PTPRD: variants seen among roughly 807,000 people sequenced by gnomAD.
PTPRD encodes the protein receptor-type tyrosine-protein phosphatase delta.
In PTPRD, 34 loss-of-function variants were observed where a neutral mutation model predicts 214.5. That is an observed-to-expected ratio of 0.16 (90% CI 0.12 to 0.21). The LOEUF (loss-of-function observed/expected upper bound fraction) is 0.21. Among genes scored for constraint, PTPRD ranks in the 10% least tolerant of loss-of-function variants. PTPRD has a pLI of 1.00. For missense variants in PTPRD, 2,545 were observed against 2,398.7 expected (o/e 1.06, Z -1.27); for synonymous variants, 1,128 against 845.7 (o/e 1.33, Z -5.79).
At chr9:8,461,958 G>C (rs145975050) in intron 32 of PTPRD, among the ~76,000 whole-genome samples, 5 of 151,694 alleles carry the variant, frequency 3.3e-5, no homozygotes. Flanking sequence ...CCCTGAACCC[G>C]TATTCTTAAG....
chr9:10,434,223 T>A (rs183039535), intron 2 of PTPRD, among the ~76,000 whole-genome samples: 1 of 151,952 alleles, frequency 6.6e-6, no homozygotes, highest in East Asian at 1.9e-4. Context: ...TCCATATGCA[T>A]CACTCAGTCT....
At chr9:9,557,464 T>C (rs189094111) in intron 8 of PTPRD, among the ~76,000 whole-genome samples, 19 of 152,298 alleles carry the variant, frequency 1.2e-4, no homozygotes, top group Non-Finnish European at 1.8e-4. Context: ...TATTTTGAAA[T>C]GCACTGCAAA....
At chr9:8,852,265 G>GA (rs961574017) in intron 11 of PTPRD, among the ~76,000 whole-genome samples, 5 of 152,100 alleles carry the variant, frequency 3.3e-5, no homozygotes, top group African/African-American at 7.2e-5. Context: ...AAAAGAAAAA[G>GA]AAAAAGACAA....
At chr9:10,387,820 C>T (rs368820155) in intron 2 of PTPRD, among the ~76,000 whole-genome samples, 83 of 82,520 alleles carry the variant, frequency 1.0e-3, no homozygotes, top group South Asian at 1.6e-3. Flanking sequence ...AAGATTTTGT[C>T]TTTTTTTTTT....
At chr9:9,697,621 T>A (rs1445972962) in intron 7 of PTPRD, among the ~76,000 whole-genome samples, 2 of 152,142 alleles carry the variant, frequency 1.3e-5, no homozygotes, top group Non-Finnish European at 2.9e-5. Flanking sequence ...TCTCCTTTTG[T>A]GTTTGACCTT....
intron 8 of PTPRD, among the ~76,000 whole-genome samples, chr9:9,525,031 G>C (rs1024008814): frequency 6.6e-6 from 1 of 152,110 alleles, no homozygotes; most frequent in Non-Finnish European, 1.5e-5. Flanking sequence ...CTAATTTTTT[G>C]TATTTTTAGT....
At chr9:8,769,060 C>G (rs75810769) in intron 11 of PTPRD, among the ~76,000 whole-genome samples, 1 of 152,118 alleles carries the variant, frequency 6.6e-6, no homozygotes, top group Non-Finnish European at 1.5e-5. Flanking sequence ...GTTAGCATAA[C>G]GCCAACTTTT....
intron 3 of PTPRD, among the ~76,000 whole-genome samples, chr9:10,148,270 T>G (rs79066164): frequency 0.022 from 3,336 of 152,266 alleles, 118 homozygotes; most frequent in African/African-American, 0.075. Flanking sequence ...CTTAATCTAT[T>G]TTACTTTTTT....
At chr9:9,071,992 T>A (rs2099744426) in intron 10 of PTPRD, among the ~76,000 whole-genome samples, 1 of 152,136 alleles carries the variant, frequency 6.6e-6, no homozygotes, top group South Asian at 2.1e-4. Context: ...CCCTTCCTCA[T>A]CACTGCACAG....
At chr9:9,650,487 C>A (rs917293919) in intron 7 of PTPRD, among the ~76,000 whole-genome samples, 8 of 152,068 alleles carry the variant, frequency 5.3e-5, no homozygotes, top group African/African-American at 1.9e-4. Context: ...ATTTTTGCAT[C>A]AATGTTCAAC....
intron 4 of PTPRD, among the ~76,000 whole-genome samples, chr9:10,015,583 G>A (rs1410974560): frequency 6.6e-6 from 1 of 152,092 alleles, no homozygotes; most frequent in African/African-American, 2.4e-5. Context: ...GTCAATCCAA[G>A]CCTCAACTTT....
At chr9:10,398,243 T>TGGC (rs2098208802) in intron 2 of PTPRD, among the ~76,000 whole-genome samples, 1 of 151,430 alleles carries the variant, frequency 6.6e-6, no homozygotes, top group Non-Finnish European at 1.5e-5. Flanking sequence ...TAGCCAGGCA[T>TGGC]GGCGGTATAT....
chr9:9,008,309 GC>G (rs1280449122), intron 11 of PTPRD, among the ~76,000 whole-genome samples: 1 of 151,270 alleles, frequency 6.6e-6, no homozygotes, highest in Non-Finnish European at 1.5e-5. Context: ...CTCACTGCAA[GC>G]TCCGCCTCCC....
intron 11 of PTPRD, among the ~76,000 whole-genome samples, chr9:8,795,854 T>C (rs796742164): frequency 1.6e-4 from 25 of 152,296 alleles, no homozygotes; most frequent in African/African-American, 5.5e-4. Flanking sequence ...TAATATACTC[T>C]CATTTTGAAA....
At chr9:9,320,291 C>T (rs930176023) in intron 9 of PTPRD, among the ~76,000 whole-genome samples, 1 of 151,792 alleles carries the variant, frequency 6.6e-6, no homozygotes, top group Non-Finnish European at 1.5e-5. Flanking sequence ...CACCCATAGA[C>T]AATACGGAGA....
intron 9 of PTPRD, among the ~76,000 whole-genome samples, chr9:9,259,648 T>G (rs931387738): frequency 6.6e-6 from 1 of 151,962 alleles, no homozygotes; most frequent in African/African-American, 2.4e-5. Context: ...TTCATTCACC[T>G]TTCAGGAAAC....
chr9:8,918,684 G>A (rs919069439), intron 11 of PTPRD, among the ~76,000 whole-genome samples: 2 of 152,014 alleles, frequency 1.3e-5, no homozygotes, highest in South Asian at 2.1e-4. Flanking sequence ...TTCCTAAAAC[G>A]TACAATTTTG....
At chr9:9,542,090 C>G (rs1285411036) in intron 8 of PTPRD, among the ~76,000 whole-genome samples, 1 of 151,118 alleles carries the variant, frequency 6.6e-6, no homozygotes, top group Non-Finnish European at 1.5e-5. Context: ...AATGACAAAC[C>G]CTGAGTTACT....
chr9:10,280,504 G>C (rs1032224383), intron 3 of PTPRD, among the ~76,000 whole-genome samples: 5 of 152,114 alleles, frequency 3.3e-5, no homozygotes, highest in African/African-American at 1.2e-4. Flanking sequence ...ATAAATGTTT[G>C]TGATTCTCAA....
Sources: gnomAD v4.1 joint callset for allele counts (sites outside exome capture counted in the v4.1 genomes callset) on GRCh38, gnomAD v4.1.1 for gene constraint, MANE v1.5 for transcripts, NCBI Gene and HGNC (gene_info 2026-07-23, HGNC 2026-07-21) for gene names.